The following SEMA4D variants were observed in gnomAD, a reference collection of about 807,000 sequenced individuals.
The protein encoded by SEMA4D is semaphorin 4D, also known as semaphorin-4D.
Under a neutral mutation model 74.8 loss-of-function variants are expected in SEMA4D, and 22 were observed. The ratio of observed to expected loss-of-function variants is 0.29; its 90% confidence interval spans 0.21 to 0.42. The LOEUF (loss-of-function observed/expected upper bound fraction) is 0.42. SEMA4D is among the 10% of genes least tolerant of loss of function. The pLI is 1.00. For synonymous variants in SEMA4D, 445 were observed against 463.7 expected, an observed-to-expected ratio of 0.96 and a Z score of 0.52; for missense variants, 937 against 1,118.4, an observed-to-expected ratio of 0.84 and a Z score of 2.31.
chr9:89,395,590 C>T (rs1840781678), intron 6 of SEMA4D, among the ~76,000 whole-genome samples: 1 of 152,146 alleles, frequency 6.6e-6, no homozygotes, highest in East Asian at 1.9e-4. Context: ...CAAAATGTTT[C>T]TGGTCCAACC....
chr9:89,491,909 A>G (rs1254214354), intron 1 of SEMA4D, among the ~76,000 whole-genome samples: 4 of 151,900 alleles, frequency 2.6e-5, no homozygotes, highest in Non-Finnish European at 5.9e-5. Flanking sequence ...GAGAGTCAAC[A>G]GCAGCTCATG....
intron 2 of SEMA4D, among the ~76,000 whole-genome samples, chr9:89,432,123 A>T (rs533099058): frequency 6.6e-6 from 1 of 151,260 alleles, no homozygotes; most frequent in East Asian, 1.9e-4. Context: ...CTTACCAGCT[A>T]TGCAGCCCTG....
intron 1 of SEMA4D, among the ~76,000 whole-genome samples, chr9:89,494,252 AC>A (rs1825840479): frequency 6.6e-6 from 1 of 152,256 alleles, no homozygotes; most frequent in African/African-American, 2.4e-5. Context: ...ATACATAAGT[AC>A]AAAAAGAAGA....
At chr9:89,380,832 A>T (rs1363707630) in intron 15 of SEMA4D, among the ~76,000 whole-genome samples, 1 of 152,188 alleles carries the variant, frequency 6.6e-6, no homozygotes, top group Non-Finnish European at 1.5e-5. Flanking sequence ...TTGGAAGGAG[A>T]CTGCTTCCCA....
chr9:89,363,940 GTC>G lies in SEMA4D; in HGVS notation c.1891_1892del (p.Asp631HisfsTer43). ...CATTCTTCTCCCAGACAAAGCGAAT[GTC>G]TGCAGGACCTGGGGACACAGACCGT... On this transcript the variant is annotated frameshift_variant, in exon 17 of 19. Transcript: ENST00000339861. LOFTEE classifies it high-confidence loss of function. 1 of 1,614,088 alleles carries G rather than the reference GTC, an allele frequency of 6.2e-7. No homozygotes were observed. The highest frequency in any genetic ancestry group is 8.5e-7 in the Non-Finnish European group (1 of 1,180,044).
intron 2 of SEMA4D, among the ~76,000 whole-genome samples, chr9:89,442,285 T>C (rs931993436): frequency 2.6e-5 from 4 of 152,208 alleles, no homozygotes; most frequent in Non-Finnish European, 5.9e-5. Flanking sequence ...TAGGGGCTGC[T>C]GGAGCCCCCC....
chr9:89,429,876 G>A (rs1463277112), intron 2 of SEMA4D, among the ~76,000 whole-genome samples: 1 of 152,160 alleles, frequency 6.6e-6, no homozygotes, highest in Admixed American at 6.5e-5. Flanking sequence ...GGCCAGTTAC[G>A]TGCTCAGAAG....
At chr9:89,362,106 T>C (rs1291044429) in exon 19 of SEMA4D, 2 of 560,562 alleles carry the variant, frequency 3.6e-6, no homozygotes, top group Admixed American at 3.0e-5. Flanking sequence ...CACGAGCAGC[T>C]ATCAAAGCCT....
intron 2 of SEMA4D, among the ~76,000 whole-genome samples, chr9:89,435,762 G>T (rs1850255125): frequency 6.6e-6 from 1 of 152,210 alleles, no homozygotes; most frequent in African/African-American, 2.4e-5. Flanking sequence ...GGACAACCTG[G>T]TCTGGGTGCA....
intron 2 of SEMA4D, among the ~76,000 whole-genome samples, chr9:89,411,858 C>T (rs371770769): frequency 9.3e-4 from 141 of 152,336 alleles, no homozygotes; most frequent in African/African-American, 2.8e-3. Flanking sequence ...ACCGCAAAGC[C>T]GAAGTGCTGG....
At chr9:89,375,424 G>A (rs147167659), downstream of SEMA4D, among the ~76,000 whole-genome samples, 307 of 152,288 alleles carry the variant, frequency 2.0e-3, no homozygotes, top group Middle Eastern at 3.4e-3. Context: ...CATGCTCACC[G>A]GCAGCTTCTC....
chr9:89,429,429 C>A (rs920330690), intron 2 of SEMA4D, among the ~76,000 whole-genome samples: 70 of 152,266 alleles, frequency 4.6e-4, no homozygotes, highest in African/African-American at 1.7e-3. Context: ...GCTAAGAAAG[C>A]AAGGCTTGGA....
At chr9:89,384,323 G>A (rs1289569448) in intron 13 of SEMA4D, among the ~76,000 whole-genome samples, 1 of 152,152 alleles carries the variant, frequency 6.6e-6, no homozygotes, top group Non-Finnish European at 1.5e-5. Flanking sequence ...ATGTAGCCTT[G>A]GAAAACCCTG....
At chr9:89,370,830 T>C (rs1217187293) in intron 16 of SEMA4D, among the ~76,000 whole-genome samples, 1 of 130,300 alleles carries the variant, frequency 7.7e-6, no homozygotes, top group African/African-American at 3.0e-5. Context: ...GGTGTGTGTC[T>C]GGGGTGCGGT....
rs1837972826 is a variant in SEMA4D at position 89,384,542 on chromosome 9, C to G, written c.1446+1825G>C. ...AGCTTCTGTTTGGGAAGATGAAAAG[C>G]ACCCTGCAGACAGACAGTGGTAATG... is the stretch of plus-strand genomic sequence containing the variant. On this transcript the variant is annotated intron_variant, in intron 13 of 15. Transcript: ENST00000422704. The G allele has an allele frequency of 5.8e-6, 3 of 514,194 alleles. No individual in the cohort carries two copies. The African/African-American group carries it at 6.2e-5, about 11-fold the overall frequency. The allele number at this position is 514,194 out of a possible 1,614,324, so 31.9% of individuals were successfully genotyped here. A position where few individuals can be genotyped will look rare whatever the true frequency, so the allele number is the denominator to read the frequency against.
rs1036512054 is a variant in SEMA4D, at chr9:89,370,302, CGTGTTATGTCGTGTGTGT to C, written c.1883-6370_1883-6353del. 6.1e-5 allele frequency among the ~76,000 whole-genome samples: 9 copies of C among 147,670 alleles called. 1 individual carries two copies. The highest frequency in any genetic ancestry group is 4.3e-4 in the South Asian group (2 of 4,628). On this transcript the variant is annotated intron_variant, in intron 16 of 18. Transcript: ENST00000339861. ...CATGATTGTGTTTGTGATGTGTGTG[CGTGTTATGTCGTGTGTGT>C]GTGTTGTGGTACATGTGTCGTGTGG...
chr9:89,376,731 A>T (rs1181675551), downstream of SEMA4D: 42 of 1,431,178 alleles, frequency 2.9e-5, 2 homozygotes, highest in Admixed American at 8.8e-4. Flanking sequence ...TAAGGAAGGT[A>T]AAGGAACATG....
intron 1 of SEMA4D, among the ~76,000 whole-genome samples, chr9:89,457,231 C>T (rs1856153344): frequency 6.6e-6 from 1 of 152,018 alleles, no homozygotes; most frequent in Admixed American, 6.5e-5. Context: ...GTGGGGAAAC[C>T]AGCGCCTGAC....
intron 16 of SEMA4D, among the ~76,000 whole-genome samples, chr9:89,366,646 G>A (rs555503779): frequency 8.5e-5 from 13 of 152,298 alleles, no homozygotes; most frequent in Admixed American, 2.6e-4. Flanking sequence ...ACAAACATAT[G>A]TCTCTATGTA....
Sources: allele counts gnomAD v4.1 joint callset (sites outside exome capture counted in the v4.1 genomes callset), GRCh38; gene constraint gnomAD v4.1.1; transcripts MANE v1.5; gene names NCBI Gene and HGNC (gene_info 2026-07-23, HGNC 2026-07-21).